The following STT3B variants were observed in gnomAD, a reference collection of about 807,000 sequenced individuals.
STT3B encodes the protein dolichyl-diphosphooligosaccharide--protein glycosyltransferase subunit STT3B.
Under a neutral mutation model 96.8 loss-of-function variants are expected in STT3B, and 29 were observed. The observed-to-expected ratio is 0.30, with a 90% confidence interval of 0.22 to 0.41. The LOEUF is 0.41. Among genes scored for constraint, STT3B ranks in the 10% least tolerant of loss-of-function variants. The pLI is 1.00. For missense variants in STT3B, 640 were observed against 1,022.3 expected, an observed-to-expected ratio of 0.63 and a Z score of 5.10; for synonymous variants, 367 against 360.0, an observed-to-expected ratio of 1.02 and a Z score of -0.22.
chr3:31,572,530 A>G (rs890083147), intron 1 of STT3B, among the ~76,000 whole-genome samples: 2 of 152,106 alleles, frequency 1.3e-5, no homozygotes, highest in African/African-American at 4.8e-5. Flanking sequence ...CTTACTATTG[A>G]CTAAGTGTTG....
chr3:31,537,638 G>A (rs946114057), intron 1 of STT3B, among the ~76,000 whole-genome samples: 5 of 151,996 alleles, frequency 3.3e-5, no homozygotes, highest in African/African-American at 7.3e-5. Context: ...TTTTCATATC[G>A]TAAAGGTTAA....
intron 3 of STT3B, among the ~76,000 whole-genome samples, chr3:31,595,978 G>A (rs549456356): frequency 2.6e-5 from 4 of 152,304 alleles, no homozygotes; most frequent in African/African-American, 7.2e-5. Context: ...TCACCGTAGA[G>A]TCTCTTTTAT....
chr3:31,534,555 AGAGT>A (rs377158980), intron 1 of STT3B, among the ~76,000 whole-genome samples: 39 of 152,314 alleles, frequency 2.6e-4, no homozygotes, highest in African/African-American at 9.4e-4. Flanking sequence ...TCAAAGAGAG[AGAGT>A]CTTTTTTGAG....
At chr3:31,619,622 G>A in intron 8 of STT3B, 54 bp from the exon 9 acceptor site, 1 of 1,458,374 alleles carries the variant, frequency 6.9e-7, no homozygotes, top group African/African-American at 1.4e-5. Flanking sequence ...TCATCTAAAA[G>A]GAACTCCTGT....
At chr3:31,548,383 T>C (rs549286298) in intron 1 of STT3B, among the ~76,000 whole-genome samples, 86 of 152,232 alleles carry the variant, frequency 5.6e-4, no homozygotes, top group African/African-American at 1.8e-3. Context: ...AGCCATTTTT[T>C]TCCCTGTTTT....
chr3:31,534,714 T>G (rs1445742997), intron 1 of STT3B, among the ~76,000 whole-genome samples: 1 of 152,252 alleles, frequency 6.6e-6, no homozygotes, highest in Non-Finnish European at 1.5e-5. Flanking sequence ...GGCCCACTCA[T>G]GGACAATTCA....
intron 9 of STT3B, among the ~76,000 whole-genome samples, chr3:31,621,481 G>A (rs182137429): frequency 6.6e-6 from 1 of 152,334 alleles, no homozygotes; most frequent in East Asian, 1.9e-4. Flanking sequence ...TAAGGTAGGA[G>A]CTCACATGAC....
Position 31,600,785 on chromosome 3 carries a change from T to C in STT3B, c.877+326T>C, listed in dbSNP as rs552648620. 7.9e-5 allele frequency among the ~76,000 whole-genome samples: 12 copies of C among 152,240 alleles called. No homozygotes were observed. The East Asian group carries it at 1.7e-3, about 22-fold the overall frequency. ...ATTTTTTATATCGAATTCAACTTAC[T>C]GTAAGAGATTGACATCCTCAAAGTA... On this transcript the variant is annotated intron_variant, in intron 5 of 15. Coordinates refer to ENST00000295770, the MANE Select transcript of STT3B (RefSeq NM_178862.3).
chr3:31,606,476 A>G (rs1484047519), intron 5 of STT3B, among the ~76,000 whole-genome samples: 1 of 141,614 alleles, frequency 7.1e-6, no homozygotes, highest in African/African-American at 2.4e-5. Flanking sequence ...AGCCATGGCT[A>G]AAAGGGGTTA....
chr3:31,590,863 T>C (rs377740629), intron 3 of STT3B, among the ~76,000 whole-genome samples: 36 of 152,186 alleles, frequency 2.4e-4, no homozygotes, highest in Admixed American at 6.5e-4. Context: ...ATTTACTATC[T>C]TGACTGTTCA....
intron 1 of STT3B, among the ~76,000 whole-genome samples, chr3:31,571,701 G>A (rs1342400362): frequency 6.6e-6 from 1 of 151,946 alleles, no homozygotes; most frequent in Admixed American, 6.6e-5. Context: ...AGCTAAAGCT[G>A]GAGGAAACAG....
chr3:31,536,221 C>T (rs1035492768), intron 1 of STT3B, among the ~76,000 whole-genome samples: 2 of 152,072 alleles, frequency 1.3e-5, no homozygotes, highest in Admixed American at 6.5e-5. Context: ...TAAAGCTTTT[C>T]GGGGCTTTTA....
At chr3:31,598,061 C>G (rs1698833739) in intron 4 of STT3B, among the ~76,000 whole-genome samples, 1 of 152,004 alleles carries the variant, frequency 6.6e-6, no homozygotes, top group Admixed American at 6.6e-5. Context: ...GTCTCAAACT[C>G]CTGACCTCAA....
At chr3:31,599,826 AAT>A (rs1698887620) in intron 4 of STT3B, among the ~76,000 whole-genome samples, 1 of 152,156 alleles carries the variant, frequency 6.6e-6, no homozygotes, top group Non-Finnish European at 1.5e-5. Flanking sequence ...CTTGCTTTGT[AAT>A]CCATTTTTAA....
At position 31,627,792 on chromosome 3, in the gene STT3B, CAT is replaced by C. The variant is rs1406748253; in HGVS notation, c.2074-1505_2074-1504del. 3.9e-5 allele frequency among the ~76,000 whole-genome samples: 6 copies of C among 152,140 alleles called. No individual in the cohort carries two copies. The South Asian group carries it at 8.3e-4, about 21-fold the overall frequency. ...TTAGCAGTCAGTGTTAAAACTGTGA[CAT>C]GTGATAGATCACTGTTTCTAAATGT... is the stretch of plus-strand genomic sequence containing the variant. On this transcript the variant is annotated intron_variant, in intron 13 of 15. Coordinates refer to ENST00000295770, the MANE Select transcript of STT3B (RefSeq NM_178862.3).
chr3:31,635,546 A>G (rs1339991137), intron 15 of STT3B, among the ~76,000 whole-genome samples: 1 of 152,122 alleles, frequency 6.6e-6, no homozygotes, highest in Non-Finnish European at 1.5e-5. Context: ...AGTCATCCTC[A>G]TTTTACAGAA....
intron 2 of STT3B, among the ~76,000 whole-genome samples, chr3:31,577,261 C>G (rs1164176397): frequency 1.3e-5 from 2 of 151,788 alleles, no homozygotes; most frequent in East Asian, 3.9e-4. Flanking sequence ...TTTCTGACTT[C>G]TTGAGATGGT....
intron 3 of STT3B, among the ~76,000 whole-genome samples, chr3:31,580,716 A>G (rs1190287360): frequency 2.0e-5 from 3 of 152,128 alleles, no homozygotes; most frequent in African/African-American, 7.2e-5. Context: ...ATATTGTTCA[A>G]AACTACTTGG....
chr3:31,599,989 T>G (rs1698894218), intron 4 of STT3B, among the ~76,000 whole-genome samples: 1 of 152,144 alleles, frequency 6.6e-6, no homozygotes, highest in Admixed American at 6.5e-5. Flanking sequence ...AAAAAGTGGG[T>G]GAGGTAAAAC....
Sources: gnomAD v4.1 joint callset for allele counts (sites outside exome capture counted in the v4.1 genomes callset) on GRCh38, gnomAD v4.1.1 for gene constraint, MANE v1.5 for transcripts, NCBI Gene and HGNC (gene_info 2026-07-23, HGNC 2026-07-21) for gene names.